FAM13A: variants seen among roughly 807,000 people sequenced by gnomAD.
FAM13A encodes the protein protein FAM13A.
FAM13A carries 76 observed loss-of-function variants against 129.6 expected under a neutral mutation model. The observed-to-expected ratio is 0.59, with a 90% CI of 0.49 to 0.71. FAM13A has a LOEUF of 0.71. FAM13A is among the 30% of genes least tolerant of loss of function. FAM13A has a pLI of 0.00. For synonymous variants in FAM13A, 443 were observed against 449.9 expected, an observed-to-expected ratio of 0.98 and a Z score of 0.20; for missense variants, 1,108 against 1,249.3, an observed-to-expected ratio of 0.89 and a Z score of 1.70.
intron 5 of FAM13A, 77 bp from the exon 6 acceptor site, chr4:88,906,539 A>G: frequency 1.0e-6 from 1 of 954,402 alleles, no homozygotes; most frequent in South Asian, 1.5e-5. Flanking sequence ...GTAGTGAAAA[A>G]CAGTTTTGAA....
chr4:88,933,297 T>C (rs1025513552), intron 5 of FAM13A, among the ~76,000 whole-genome samples: 17 of 152,288 alleles, frequency 1.1e-4, no homozygotes, highest in African/African-American at 3.4e-4. Flanking sequence ...CTATTACATA[T>C]ATATTCATAA....
chr4:88,912,564 T>C (rs866408251), intron 5 of FAM13A, among the ~76,000 whole-genome samples: 35 of 87,320 alleles, frequency 4.0e-4, no homozygotes, highest in African/African-American at 1.5e-3. Context: ...TTTACACACA[T>C]ACATACACAC....
chr4:88,774,904 G>C (rs1721377620), intron 11 of FAM13A, among the ~76,000 whole-genome samples: 3 of 152,138 alleles, frequency 2.0e-5, no homozygotes, highest in African/African-American at 7.2e-5. Context: ...AAAGATTGAG[G>C]AGAAGATGAT....
chr4:88,899,186 G>A (rs1293760084), intron 6 of FAM13A, among the ~76,000 whole-genome samples: 2 of 152,016 alleles, frequency 1.3e-5, no homozygotes, highest in Non-Finnish European at 2.9e-5. Context: ...TGGATTAATG[G>A]CATTTGCAGC....
chr4:88,883,295 T>C (rs769693643), intron 6 of FAM13A, among the ~76,000 whole-genome samples: 6 of 151,890 alleles, frequency 4.0e-5, no homozygotes, highest in South Asian at 2.1e-4. Context: ...TTTAAGAAGA[T>C]TGAAATATAT....
chr4:88,986,136 C>CTT (rs751565027), intron 4 of FAM13A, among the ~76,000 whole-genome samples: 6 of 142,520 alleles, frequency 4.2e-5, no homozygotes, highest in Admixed American at 7.1e-5. Flanking sequence ...ATAATTTTCA[C>CTT]TTTTTTTTTT....
At chr4:89,000,848 T>C (rs1413930978) in intron 3 of FAM13A, among the ~76,000 whole-genome samples, 1 of 152,220 alleles carries the variant, frequency 6.6e-6, no homozygotes, top group Non-Finnish European at 1.5e-5. Context: ...AATATCCCAC[T>C]AAAATGACAA....
At chr4:88,963,510 A>T (rs950590954) in intron 4 of FAM13A, among the ~76,000 whole-genome samples, 4 of 151,858 alleles carry the variant, frequency 2.6e-5, no homozygotes, top group African/African-American at 9.7e-5. Flanking sequence ...GTAGGCCGGG[A>T]TGGTCTCGAA....
chr4:88,912,558 C>G (rs1304235980), intron 5 of FAM13A, among the ~76,000 whole-genome samples: 1 of 111,694 alleles, frequency 9.0e-6, no homozygotes, highest in African/African-American at 3.8e-5. Context: ...TCTCTCTTTA[C>G]ACACATACAT....
intron 6 of FAM13A, among the ~76,000 whole-genome samples, chr4:88,876,062 G>T (rs957220013): frequency 6.6e-6 from 1 of 152,114 alleles, no homozygotes; most frequent in Admixed American, 6.5e-5. Flanking sequence ...AACACCGCAT[G>T]TTCTCACTCA....
chr4:88,907,907 G>A (rs1748423051), intron 5 of FAM13A, among the ~76,000 whole-genome samples: 1 of 152,208 alleles, frequency 6.6e-6, no homozygotes, highest in Non-Finnish European at 1.5e-5. Flanking sequence ...ATTCTAAGGT[G>A]ATGTGTCCAA....
intron 7 of FAM13A, among the ~76,000 whole-genome samples, chr4:88,835,422 T>C (rs966926822): frequency 2.1e-5 from 3 of 145,370 alleles, no homozygotes; most frequent in Non-Finnish European, 3.0e-5. Context: ...CTCAACCTTT[T>C]TGCCACCAGG....
At chr4:88,978,718 T>C (rs988876935) in intron 4 of FAM13A, among the ~76,000 whole-genome samples, 4 of 151,718 alleles carry the variant, frequency 2.6e-5, no homozygotes, top group Admixed American at 6.6e-5. Context: ...GGGGTAAACC[T>C]GGGAGGCGGA....
chr4:88,781,101 C>T (rs1054520648), intron 11 of FAM13A, 64 bp downstream of exon 11: 43 of 1,177,296 alleles, frequency 3.7e-5, no homozygotes, highest in Non-Finnish European at 3.9e-5. Context: ...AATTTTTTTA[C>T]AAAGCAAAGA....
chr4:88,824,499 A>C (rs145715873), intron 7 of FAM13A, among the ~76,000 whole-genome samples: 99 of 152,340 alleles, frequency 6.5e-4, no homozygotes, highest in African/African-American at 2.3e-3. Flanking sequence ...ATCATACATA[A>C]TGATAAACTA....
Position 88,758,899 on chromosome 4 carries a change from G to T in FAM13A, c.1581C>A (p.Ser527Arg). 1 of 1,613,340 alleles carries T rather than the reference G, an allele frequency of 6.2e-7. No individual in the cohort carries two copies. The highest frequency in any genetic ancestry group is 8.5e-7 in the Non-Finnish European group (1 of 1,179,616). ...KDGGHTQHFE[S>R]PTMKIQEHPS... ...GATGCTCCTGGATCTTCATTGTGGGGCTCTGCAATAACAGCACAATGTCCC... is the reference window on the plus strand; with the variant it reads ...GATGCTCCTGGATCTTCATTGTGGGTCTCTGCAATAACAGCACAATGTCCC... Residue 527 changes from serine (S) to arginine (R), a missense_variant and splice_region_variant, in exon 14 of 24, where the codon AGC (serine) becomes AGA (arginine). Transcript: ENST00000264344.
chr4:88,973,292 A>G (rs1489742410), intron 4 of FAM13A, among the ~76,000 whole-genome samples: 1 of 151,914 alleles, frequency 6.6e-6, no homozygotes, highest in Non-Finnish European at 1.5e-5. Flanking sequence ...TGTGTATGTT[A>G]TATCTTTTAC....
At chr4:88,942,856 T>C (rs535060667) in intron 4 of FAM13A, among the ~76,000 whole-genome samples, 10 of 152,314 alleles carry the variant, frequency 6.6e-5, no homozygotes, top group African/African-American at 2.4e-4. Context: ...AAAACTAGTA[T>C]TTGGTTTCCT....
At chr4:89,026,787 G>A (rs1315152877) in intron 2 of FAM13A, among the ~76,000 whole-genome samples, 2 of 152,194 alleles carry the variant, frequency 1.3e-5, no homozygotes, top group Non-Finnish European at 2.9e-5. Context: ...TTCAAGATAA[G>A]ATTTGGGTGG....
Sources: allele counts gnomAD v4.1 joint callset (sites outside exome capture counted in the v4.1 genomes callset), GRCh38; gene constraint gnomAD v4.1.1; transcripts MANE v1.5; gene names NCBI Gene and HGNC (gene_info 2026-07-23, HGNC 2026-07-21).